The following IL15 variants were observed in gnomAD, a reference collection of about 807,000 sequenced individuals.
The protein encoded by IL15 is interleukin-15.
IL15 carries 11 observed loss-of-function variants against 19.6 expected under a neutral mutation model. The ratio of observed to expected loss-of-function variants is 0.56; its 90% confidence interval spans 0.35 to 0.93. The LOEUF (loss-of-function observed/expected upper bound fraction) is 0.93. Among genes scored for constraint, IL15 ranks in the 40% least tolerant of loss-of-function variants. The pLI, the probability that IL15 is intolerant of heterozygous loss-of-function variation, is 0.01. For synonymous variants in IL15, 58 were observed against 59.6 expected, an observed-to-expected ratio of 0.97 and a Z score of 0.12; for missense variants, 197 against 186.5, an observed-to-expected ratio of 1.06 and a Z score of -0.33.
intron 2 of IL15, among the ~76,000 whole-genome samples, chr4:141,672,649 G>C (rs1297246448): frequency 1.3e-5 from 2 of 152,126 alleles, no homozygotes; most frequent in Non-Finnish European, 2.9e-5. Flanking sequence ...TTTGAGAGTT[G>C]CAAGAATCCT....
intron 1 of IL15, among the ~76,000 whole-genome samples, chr4:141,642,009 G>GAAT (rs574741779): frequency 4.7e-5 from 7 of 149,476 alleles, no homozygotes; most frequent in South Asian, 4.2e-4. Flanking sequence ...CTGTATTGGA[G>GAAT]AATAATAATA....
chr4:141,649,989 T>C (rs1727351878), intron 1 of IL15, among the ~76,000 whole-genome samples: 1 of 152,100 alleles, frequency 6.6e-6, no homozygotes, highest in African/African-American at 2.4e-5. Flanking sequence ...GATGCCAGTG[T>C]TGGCACAACT....
chr4:141,643,170 A>G (rs1163983426), intron 1 of IL15, among the ~76,000 whole-genome samples: 1 of 152,206 alleles, frequency 6.6e-6, no homozygotes, highest in Non-Finnish European at 1.5e-5. Flanking sequence ...TTATCTGCTC[A>G]AGGACATAAC....
At chr4:141,708,116 A>G (rs1729587253) in intron 2 of IL15, among the ~76,000 whole-genome samples, 1 of 152,212 alleles carries the variant, frequency 6.6e-6, no homozygotes, top group Non-Finnish European at 1.5e-5. Context: ...AGGCACATAC[A>G]TGCTCAGAGT....
intron 1 of IL15, among the ~76,000 whole-genome samples, chr4:141,646,028 G>C (rs1175836708): frequency 6.6e-6 from 1 of 152,068 alleles, no homozygotes; most frequent in Non-Finnish European, 1.5e-5. Flanking sequence ...TTTGGGAAAA[G>C]CAAGTCAGAA....
At position 141,671,587 on chromosome 4, in the gene IL15, C is replaced by T. The variant is rs567713982; in HGVS notation, c.-100+15280C>T. 1.0e-3 allele frequency among the ~76,000 whole-genome samples: 158 copies of T among 152,240 alleles called. 1 individual carries two copies. Among genetic ancestry groups the T allele is most frequent in the African/African-American group, 3.7e-3 (155 of 41,528 alleles). The stretch of plus-strand genomic sequence containing the variant: ...CTCCTCACTCACCTGTCTGGTGCCT[C>T]GGTGATGGCTGTTGTGTGAGCCGCT... On this transcript the variant is annotated intron_variant, in intron 2 of 7. Coordinates refer to ENST00000320650, the MANE Select transcript of IL15 (RefSeq NM_000585.5).
chr4:141,657,438 T>C (rs903681831), intron 2 of IL15, among the ~76,000 whole-genome samples: 1 of 151,806 alleles, frequency 6.6e-6, no homozygotes, highest in Non-Finnish European at 1.5e-5. Flanking sequence ...TAGATTATTA[T>C]AATTTTTTAA....
At chr4:141,681,868 A>G (rs1157179271) in intron 2 of IL15, among the ~76,000 whole-genome samples, 1 of 152,206 alleles carries the variant, frequency 6.6e-6, no homozygotes, top group African/African-American at 2.4e-5. Context: ...CGTTGGTTGT[A>G]TATAACTCAC....
intron 2 of IL15, among the ~76,000 whole-genome samples, chr4:141,663,849 G>A (rs1727875619): frequency 6.6e-6 from 1 of 152,164 alleles, no homozygotes; most frequent in Non-Finnish European, 1.5e-5. Flanking sequence ...GGAAGAATGA[G>A]GCTAGGGGAA....
At position 141,720,576 on chromosome 4, in the gene IL15, T is replaced by C; in HGVS notation, c.110+10T>C. Reference sequence around the variant, plus strand: ...ATGTCTTCATTTTGGGGTAATTTTATCTTTAGGCATAAATAACATTATGTT... The same window carrying C: ...ATGTCTTCATTTTGGGGTAATTTTACCTTTAGGCATAAATAACATTATGTT... On this transcript the variant is annotated intron_variant, in intron 4 of 7. Transcript: ENST00000320650. 7.8e-7 allele frequency: 1 copy of C among 1,287,750 alleles called. No individual in the cohort carries two copies. Among genetic ancestry groups the C allele is most frequent in the South Asian group, 1.2e-5 (1 of 84,290 alleles). 79.8% of individuals were successfully genotyped at this position (1,287,750 alleles called of 1,614,324 possible).
At chr4:141,641,035 G>A (rs1456539269) in intron 1 of IL15, among the ~76,000 whole-genome samples, 1 of 152,066 alleles carries the variant, frequency 6.6e-6, no homozygotes, top group African/African-American at 2.4e-5. Flanking sequence ...ATCACTGAAT[G>A]CTACTTCTCC....
chr4:141,720,756 A>C, intron 4 of IL15, 190 bp downstream of exon 4: 1 of 603,512 alleles, frequency 1.7e-6, no homozygotes, highest in Middle Eastern at 4.4e-4. Context: ...ATTTTTCTAC[A>C]TTGTGGTAAT....
intron 2 of IL15, among the ~76,000 whole-genome samples, chr4:141,708,582 T>A (rs965335297): frequency 6.6e-6 from 1 of 152,308 alleles, no homozygotes; most frequent in Non-Finnish European, 1.5e-5. Flanking sequence ...TAATTGGGAC[T>A]GCTGGGGATT....
intron 1 of IL15, among the ~76,000 whole-genome samples, chr4:141,642,061 A>G (rs1013647424): frequency 2.6e-5 from 4 of 152,122 alleles, no homozygotes; most frequent in Non-Finnish European, 5.9e-5. Context: ...AAAAACTAAA[A>G]CAATATTGGA....
chr4:141,643,379 C>A (rs578134247), intron 1 of IL15, among the ~76,000 whole-genome samples: 1 of 152,278 alleles, frequency 6.6e-6, no homozygotes, highest in African/African-American at 2.4e-5. Flanking sequence ...TAACTATATT[C>A]TCTGTTTCCA....
At chr4:141,662,348 G>C (rs919028888) in intron 2 of IL15, among the ~76,000 whole-genome samples, 1 of 152,216 alleles carries the variant, frequency 6.6e-6, no homozygotes, top group Non-Finnish European at 1.5e-5. Flanking sequence ...TTAAAGCTGT[G>C]ATTTTAGAAG....
At chr4:141,704,749 T>C (rs1215976932) in intron 2 of IL15, 1 of 168,502 alleles carries the variant, frequency 5.9e-6, no homozygotes, top group Non-Finnish European at 1.2e-5. Context: ...TTAATTTCTT[T>C]ACTCATTATC....
intron 2 of IL15, chr4:141,717,939 G>T (rs1376452461): frequency 6.6e-6 from 1 of 152,250 alleles, no homozygotes; most frequent in Non-Finnish European, 1.5e-5. Context: ...GGGATTACAG[G>T]CACGAGCCAC....
At chr4:141,702,108 G>C (rs1368166143) in intron 2 of IL15, among the ~76,000 whole-genome samples, 3 of 152,218 alleles carry the variant, frequency 2.0e-5, no homozygotes. Context: ...GAGGCTGCCT[G>C]CCTGTTGGGG....
Sources: allele counts gnomAD v4.1 joint callset (sites outside exome capture counted in the v4.1 genomes callset), GRCh38; gene constraint gnomAD v4.1.1; transcripts MANE v1.5; gene names NCBI Gene and HGNC (gene_info 2026-07-23, HGNC 2026-07-21).